SMG1: variants seen among roughly 807,000 people sequenced by gnomAD.
SMG1 encodes the protein SMG1 nonsense mediated mRNA decay associated PI3K related kinase, also known as serine/threonine-protein kinase SMG1.
In SMG1, 22 loss-of-function variants were observed where a neutral mutation model predicts 419.9. That is an observed-to-expected ratio of 0.05 (90% CI 0.04 to 0.07). The LOEUF is 0.07. Ranked by LOEUF, SMG1 falls within the 10% of genes least tolerant of loss-of-function variation. The pLI is 1.00. For missense variants in SMG1, 3,185 were observed against 4,342.0 expected, an observed-to-expected ratio of 0.73 and a Z score of 7.49; for synonymous variants, 1,538 against 1,553.5, an observed-to-expected ratio of 0.99 and a Z score of 0.23.
chr16:18,889,713 A>G, intron 5 of SMG1, 128 bp from the exon 6 acceptor site: 1 of 627,564 alleles, frequency 1.6e-6, no homozygotes. Flanking sequence ...AACTACATAA[A>G]AGGTTGAAAT....
intron 1 of SMG1, among the ~76,000 whole-genome samples, chr16:18,904,574 CTTG>C (rs2037483617): frequency 6.6e-6 from 1 of 151,672 alleles, no homozygotes; most frequent in African/African-American, 2.4e-5. Flanking sequence ...GGAGGCAGAG[CTTG>C]CAGTAAGCCG....
Position 18,870,883 on chromosome 16 carries a change from C to T in SMG1, c.2308G>A (p.Val770Ile), listed in dbSNP as rs777436054. The T allele has an allele frequency of 3.5e-5, 54 of 1,534,810 alleles. No homozygotes were observed. Among genetic ancestry groups the T allele is most frequent in the East Asian group, 1.4e-4 (6 of 42,508 alleles). Residue 770 changes from valine to isoleucine, a missense_variant, in exon 17 of 63, where the codon GTT becomes ATT. By Grantham distance (29) the Val-to-Ile change is conservative. Transcript: ENST00000446231. ...FCKGLLANTL[V>I]EDVNICLQAC... ...TGCAGACAGATATTCACATCTTCAA[C>T]GAGAGCTATTAAACATTAAAAGACA...
chr16:18,882,384 A>C (rs934812084), intron 9 of SMG1, 46 bp from the exon 10 acceptor site: 10 of 1,097,272 alleles, frequency 9.1e-6, no homozygotes, highest in African/African-American at 3.2e-5. Flanking sequence ...ACATTGTTTT[A>C]AATAAAAAAA....
rs753672435 is a variant in SMG1, at chr16:18,845,560, C to T, written c.6088G>A (p.Ala2030Thr). ...TTTTCATGAGGTGTTTCTGCAGGAG[C>T]CGCTGTGATACTCCTCACATGCTCC... ...ALEHVRSITAAPAETPHEKWF... is the reference protein window; with the variant it reads ...ALEHVRSITATPAETPHEKWF... The change falls in exon 39 of 63, where the codon GCT becomes ACT. Residue 2030 changes from alanine to threonine, a missense_variant. Transcript: ENST00000446231. 6.2e-7 allele frequency: 1 copy of T among 1,613,866 alleles called. No individual in the cohort carries two copies. Among genetic ancestry groups the T allele is most frequent in the Non-Finnish European group, 8.5e-7 (1 of 1,179,872 alleles).
At chr16:18,870,943 A>G (rs2035786057) in intron 16 of SMG1, 55 bp from the exon 17 acceptor site, 1 of 816,480 alleles carries the variant, frequency 1.2e-6, no homozygotes, top group Non-Finnish European at 2.0e-6. Context: ...ATTATATCCC[A>G]GTTTGTCATA....
chr16:18,926,355 G>A lies in SMG1; in HGVS notation c.-314C>T, dbSNP rs1567474812. 8.9e-6 allele frequency: 3 copies of A among 335,234 alleles called. No homozygotes were observed. The highest frequency in any genetic ancestry group is 1.6e-5 in the Non-Finnish European group (3 of 184,454). 20.8% of individuals were successfully genotyped at this position (335,234 alleles called of 1,614,324 possible). ...CCACGTCGCCGGGGCCCCGGAGGAC[G>A]AGGACGACGAGGAGCAGGCGGTGGC... On this transcript the variant is annotated 5_prime_UTR_variant, in exon 1 of 63. Transcript: ENST00000446231.
At chr16:18,865,133 C>T (rs1265249420) in intron 23 of SMG1, among the ~76,000 whole-genome samples, 1 of 152,046 alleles carries the variant, frequency 6.6e-6, no homozygotes, top group Non-Finnish European at 1.5e-5. Flanking sequence ...ATAGCATCAA[C>T]AATCTTAGTA....
intron 1 of SMG1, among the ~76,000 whole-genome samples, chr16:18,915,808 C>T (rs946099774): frequency 1.3e-5 from 2 of 151,660 alleles, no homozygotes; most frequent in African/African-American, 4.8e-5. Context: ...GTGGCTCACG[C>T]CTGTAATCCC....
intron 54 of SMG1, among the ~76,000 whole-genome samples, chr16:18,828,410 T>C (rs956184515): frequency 4.6e-5 from 7 of 152,186 alleles, no homozygotes; most frequent in Non-Finnish European, 5.9e-5. Flanking sequence ...ACCATTTAAA[T>C]AGTAATTCTG....
chr16:18,848,537 C>A (rs1238568083), intron 36 of SMG1, among the ~76,000 whole-genome samples: 9 of 151,894 alleles, frequency 5.9e-5, no homozygotes, highest in Non-Finnish European at 1.5e-5. Context: ...AACTCCTGGC[C>A]TCAAATGATC....
chr16:18,829,688 A>C lies in SMG1; in HGVS notation c.9201T>G (p.Leu3067=). 1 of 1,613,978 alleles carries C rather than the reference A, an allele frequency of 6.2e-7. No individual in the cohort carries two copies. Among genetic ancestry groups the C allele is most frequent in the Non-Finnish European group, 8.5e-7 (1 of 1,179,882 alleles). ...GPVQIVNVKT[L]FRNSCFSEDQ... ...CTTCACTGAAACAAGAGTTTCTAAAAAGGGTTTTCACATTGACAATCTGTA... is the reference window on the plus strand; with the variant it reads ...CTTCACTGAAACAAGAGTTTCTAAACAGGGTTTTCACATTGACAATCTGTA... Residue 3067 remains leucine (L), a synonymous_variant, in exon 54 of 63, where the codon CTT becomes CTG. Coordinates refer to ENST00000446231, the MANE Select transcript of SMG1 (RefSeq NM_015092.5).
At chr16:18,917,536 C>T (rs2038025209) in intron 1 of SMG1, among the ~76,000 whole-genome samples, 1 of 151,974 alleles carries the variant, frequency 6.6e-6, no homozygotes. Context: ...CTGCCTCCCA[C>T]TGCGATTTCT....
At position 18,847,456 on chromosome 16, in the gene SMG1, C is replaced by T. The variant is rs771153112; in HGVS notation, c.5993G>A (p.Arg1998His). The change falls in exon 38 of 63, where the codon CGC (arginine) becomes CAC (histidine). Residue 1998 changes from arginine to histidine, a missense_variant. Arg to His is a conservative substitution (Grantham distance 29). Transcript: ENST00000446231. ...GGACAAGTGTATGGAAACATACTTG[C>T]GTAAGGTGTTGTTGTTCTGGACTCT... is the stretch of plus-strand genomic sequence containing the variant. ...VKRVQNNNTL[R>H]KEEKIAIMRE... 2.2e-5 allele frequency: 35 copies of T among 1,613,826 alleles called. No homozygotes were observed. The highest frequency in any genetic ancestry group is 1.5e-4 in the Admixed American group (9 of 60,002).
chr16:18,828,010 G>A (rs750082821), intron 55 of SMG1, 21 bp downstream of exon 55: 87 of 1,604,798 alleles, frequency 5.4e-5, no homozygotes, highest in Non-Finnish European at 6.8e-5. Flanking sequence ...TGCCCTGGAA[G>A]GAAGATCTGG....
At chr16:18,866,995 C>T (rs1449926162) in intron 22 of SMG1, among the ~76,000 whole-genome samples, 5 of 152,076 alleles carry the variant, frequency 3.3e-5, no homozygotes, top group Non-Finnish European at 5.9e-5. Flanking sequence ...GATGTTTGCA[C>T]CCCCACCCCA....
chr16:18,916,069 CAAAAAAAAA>C (rs35871395), intron 1 of SMG1, among the ~76,000 whole-genome samples: 36 of 34,800 alleles, frequency 1.0e-3, no homozygotes, highest in Admixed American at 5.7e-3. Context: ...CACTTCGTCT[CAAAAAAAAA>C]AAAAAAAAAA....
chr16:18,818,877 C>A (rs2032262345), intron 56 of SMG1, among the ~76,000 whole-genome samples: 2 of 142,164 alleles, frequency 1.4e-5, no homozygotes, highest in African/African-American at 5.2e-5. Flanking sequence ...AATTCAGTGG[C>A]ACGATCTTGG....
rs748686984 is a variant in SMG1, at chr16:18,852,476, C to CA, written c.4769-15dup. The CA allele has an allele frequency of 5.4e-6, 8 of 1,491,930 alleles. No individual in the cohort carries two copies. The highest frequency in any genetic ancestry group is 2.4e-5 in the East Asian group (1 of 40,850). The allele number at this position is 1,491,930 out of a possible 1,614,324, so 92.4% of individuals were successfully genotyped here. ...CTCCAATATGCACTGCCAAAATGGA[C>CA]AAAAAAATAATTATAATAAAAGAAC... is the stretch of plus-strand genomic sequence containing the variant. On this transcript the variant is annotated splice_polypyrimidine_tract_variant and intron_variant, in intron 31 of 62. Coordinates refer to ENST00000446231, the MANE Select transcript of SMG1 (RefSeq NM_015092.5).
rs547162018 is a variant in SMG1 at position 18,828,269 on chromosome 16, A to G, written c.9604-101T>C. The stretch of plus-strand genomic sequence containing the variant: ...CCTAGGACTGGCGGAAGAGAAAAAA[A>G]TCCCAGCTGCAGCCAATGGGAGGTA... On this transcript the variant is annotated intron_variant, in intron 54 of 62. Transcript: ENST00000446231. 5.9e-5 allele frequency: 71 copies of G among 1,200,496 alleles called. No individual in the cohort carries two copies. In the African/African-American group the frequency reaches 8.6e-4, roughly 15 times the overall value. The allele number at this position is 1,200,496 out of a possible 1,614,324, so 74.4% of individuals were successfully genotyped here.
Sources: gnomAD v4.1 joint callset for allele counts (sites outside exome capture counted in the v4.1 genomes callset) on GRCh38, gnomAD v4.1.1 for gene constraint, MANE v1.5 for transcripts, NCBI Gene and HGNC (gene_info 2026-07-23, HGNC 2026-07-21) for gene names.